The following ADK variants were observed in gnomAD, a reference collection of about 807,000 sequenced individuals.
ADK encodes the protein adenosine kinase.
In ADK, 24 loss-of-function variants were observed where a neutral mutation model predicts 44.7. The ratio of observed to expected loss-of-function variants is 0.54; its 90% CI spans 0.39 to 0.76. The LOEUF (loss-of-function observed/expected upper bound fraction) is 0.76. Ranked by LOEUF, ADK falls within the 30% of genes least tolerant of loss-of-function variation. The pLI is 0.00. For synonymous variants in ADK, 128 were observed against 142.6 expected (o/e 0.90, Z 0.73); for missense variants, 321 against 425.1 (o/e 0.76, Z 2.15).
chr10:74,349,622 A>T (rs1024446461), intron 4 of ADK, among the ~76,000 whole-genome samples: 49 of 152,160 alleles, frequency 3.2e-4, no homozygotes, highest in African/African-American at 1.2e-3. Context: ...GGACTGGCAA[A>T]TTGGATGAAG....
At position 74,667,827 on chromosome 10, in the gene ADK, C is replaced by T. The variant is rs562727596; in HGVS notation, c.878-2356C>T. ...GGATTACAGATGTGAGCCACCATGC[C>T]TGACCAGAAGTCATGATTCTTAAGA... On this transcript the variant is annotated intron_variant, in intron 9 of 10. Transcript: ENST00000539909. Among the ~76,000 whole-genome samples, 16 of 152,232 alleles carry T rather than the reference C, an allele frequency of 1.1e-4. No individual in the cohort carries two copies. In the South Asian group the frequency reaches 3.3e-3, roughly 32 times the overall value.
chr10:74,287,679 G>C (rs1238555115), intron 3 of ADK, among the ~76,000 whole-genome samples: 1 of 152,020 alleles, frequency 6.6e-6, no homozygotes, highest in Non-Finnish European at 1.5e-5. Flanking sequence ...AAATATATCT[G>C]TTATAAAATA....
intron 7 of ADK, among the ~76,000 whole-genome samples, chr10:74,535,687 A>G (rs1263573619): frequency 2.0e-5 from 3 of 151,318 alleles, no homozygotes; most frequent in Non-Finnish European, 2.9e-5. Flanking sequence ...GGTTCAAGCA[A>G]TTCTCGTGTC....
intron 10 of ADK, among the ~76,000 whole-genome samples, chr10:74,701,613 T>A (rs1015082207): frequency 1.3e-5 from 2 of 152,138 alleles, no homozygotes; most frequent in African/African-American, 4.8e-5. Flanking sequence ...AGGACCAAAT[T>A]AATTAAGGGC....
Position 74,151,264 on chromosome 10 carries a change from G to A in ADK, c.-15G>A, listed in dbSNP as rs1254658119. On this transcript the variant is annotated 5_prime_UTR_variant, in exon 1 of 11. Transcript: ENST00000539909. The stretch of plus-strand genomic sequence containing the variant: ...GAGGTGGGCTGTAGAGCCAAAGTGG[G>A]GTGGGAGCGCGAAGATGGCAGCTGC... 6.5e-7 allele frequency: 1 copy of A among 1,549,558 alleles called. No homozygotes were observed. Among genetic ancestry groups the A allele is most frequent in the African/African-American group, 1.4e-5 (1 of 72,960 alleles).
chr10:74,690,214 G>T (rs2134261951), intron 10 of ADK, among the ~76,000 whole-genome samples: 1 of 152,324 alleles, frequency 6.6e-6, no homozygotes, highest in South Asian at 2.1e-4. Context: ...TCCAAATCAG[G>T]CTGGGTGTGG....
chr10:74,638,721 A>G (rs1853713475), intron 9 of ADK, among the ~76,000 whole-genome samples: 1 of 152,228 alleles, frequency 6.6e-6, no homozygotes, highest in African/African-American at 2.4e-5. Flanking sequence ...TTCTTTTAAA[A>G]TCAGACTTTT....
chr10:74,191,695 T>C (rs973470778), intron 1 of ADK, among the ~76,000 whole-genome samples: 1 of 152,232 alleles, frequency 6.6e-6, no homozygotes, highest in Non-Finnish European at 1.5e-5. Context: ...TTTATAACTA[T>C]AGTGTGTTAC....
intron 6 of ADK, among the ~76,000 whole-genome samples, chr10:74,404,518 CA>C (rs1474133754): frequency 1.3e-5 from 2 of 152,146 alleles, no homozygotes; most frequent in African/African-American, 2.4e-5. Flanking sequence ...ATTTCACCTT[CA>C]TTTTTGAAAG....
intron 6 of ADK, among the ~76,000 whole-genome samples, chr10:74,458,684 C>T (rs909438196): frequency 4.6e-5 from 7 of 151,916 alleles, no homozygotes; most frequent in South Asian, 2.1e-4. Context: ...TACACTACAC[C>T]GGTACTATCA....
At chr10:74,553,882 C>G (rs1183002463) in intron 7 of ADK, among the ~76,000 whole-genome samples, 1 of 152,062 alleles carries the variant, frequency 6.6e-6, no homozygotes, top group African/African-American at 2.4e-5. Flanking sequence ...ACTAATAAAT[C>G]TCACCATTTT....
At chr10:74,608,407 TG>T (rs1852417976) in intron 9 of ADK, among the ~76,000 whole-genome samples, 1 of 152,100 alleles carries the variant, frequency 6.6e-6, no homozygotes, top group Admixed American at 6.6e-5. Context: ...GACCTTCGGA[TG>T]GGGTTTTTGT....
intron 4 of ADK, among the ~76,000 whole-genome samples, chr10:74,393,314 A>C (rs932590662): frequency 6.6e-6 from 1 of 152,198 alleles, no homozygotes; most frequent in Non-Finnish European, 1.5e-5. Flanking sequence ...TCACTATAGA[A>C]TATTAGAACC....
At chr10:74,189,535 G>A (rs940434110) in intron 1 of ADK, among the ~76,000 whole-genome samples, 3 of 152,098 alleles carry the variant, frequency 2.0e-5, no homozygotes, top group African/African-American at 4.8e-5. Flanking sequence ...ATTGAATTTA[G>A]TGTTCTATAA....
intron 3 of ADK, among the ~76,000 whole-genome samples, chr10:74,228,683 T>A (rs916801070): frequency 6.6e-6 from 1 of 152,198 alleles, no homozygotes; most frequent in African/African-American, 2.4e-5. Context: ...TCTGCAGTTA[T>A]TGAAAATAGA....
rs1564856888 is a variant in ADK at position 74,695,620 on chromosome 10, GTGTGTGTGTGT to G, written c.965-12700_965-12690del. Among the ~76,000 whole-genome samples the G allele has an allele frequency of 3.6e-4, 45 of 126,184 alleles. 1 individual carries two copies. Among genetic ancestry groups the G allele is most frequent in the South Asian group, 5.4e-4 (2 of 3,730 alleles). 82.8% of individuals were successfully genotyped at this position (126,184 alleles called of 152,430 possible). A position where few individuals can be genotyped will look rare whatever the true frequency, so the allele number is the denominator to read the frequency against. ...TTTACAATTCCTGTGTATGTGTGGGGTGTGTGTGTGTGTGTGTGTGTGTGTGTGTGTGTGTG... is the reference window on the plus strand; with the variant it reads ...TTTACAATTCCTGTGTATGTGTGGGGGTGTGTGTGTGTGTGTGTGTGTGTG... On this transcript the variant is annotated intron_variant, in intron 10 of 10. Transcript: ENST00000539909.
At chr10:74,211,282 T>C (rs572201350) in intron 2 of ADK, among the ~76,000 whole-genome samples, 1 of 152,358 alleles carries the variant, frequency 6.6e-6, no homozygotes, top group South Asian at 2.1e-4. Flanking sequence ...CTGAATATTC[T>C]GTCTGGGATT....
At chr10:74,477,762 G>T (rs1846912616) in intron 6 of ADK, among the ~76,000 whole-genome samples, 1 of 151,908 alleles carries the variant, frequency 6.6e-6, no homozygotes, top group African/African-American at 2.4e-5. Context: ...CATTTATATT[G>T]TTCTGTAACC....
At chr10:74,280,845 G>A (rs1374343642) in intron 3 of ADK, among the ~76,000 whole-genome samples, 1 of 152,032 alleles carries the variant, frequency 6.6e-6, no homozygotes, top group Non-Finnish European at 1.5e-5. Flanking sequence ...TAAGTCCTTT[G>A]GTTTTACTGA....
Sources: gnomAD v4.1 joint callset for allele counts (sites outside exome capture counted in the v4.1 genomes callset) on GRCh38, gnomAD v4.1.1 for gene constraint, MANE v1.5 for transcripts, NCBI Gene and HGNC (gene_info 2026-07-23, HGNC 2026-07-21) for gene names.